Variants in ERBB4 observed in about 807,000 individuals in gnomAD.
ERBB4 encodes the protein receptor tyrosine-protein kinase erbB-4.
Under a neutral mutation model 158.0 loss-of-function variants are expected in ERBB4, and 42 were observed. That is an observed-to-expected ratio of 0.27 (90% confidence interval 0.21 to 0.34). The LOEUF is 0.34. Ranked by LOEUF, ERBB4 falls within the 10% of genes least tolerant of loss-of-function variation. ERBB4 has a pLI of 1.00. For synonymous variants in ERBB4, 583 were observed against 558.7 expected (o/e 1.04, Z -0.61); for missense variants, 1,333 against 1,624.1 (o/e 0.82, Z 3.08).
intron 1 of ERBB4, among the ~76,000 whole-genome samples, chr2:212,509,481 ATATT>A (rs1421381594): frequency 2.6e-5 from 4 of 152,172 alleles, no homozygotes; most frequent in African/African-American, 9.6e-5. Flanking sequence ...CAATCTTAAC[ATATT>A]TATTTAATTT....
intron 20 of ERBB4, among the ~76,000 whole-genome samples, chr2:211,503,278 T>G (rs1382342688): frequency 6.6e-6 from 1 of 152,116 alleles, no homozygotes; most frequent in Non-Finnish European, 1.5e-5. Flanking sequence ...AAATTCTGCA[T>G]CATGCCCTAA....
chr2:211,432,605 CAAAA>C, intron 20 of ERBB4, among the ~76,000 whole-genome samples: 1 of 135,104 alleles, frequency 7.4e-6, no homozygotes, highest in African/African-American at 2.5e-5. Context: ...CTTAAAGGAT[CAAAA>C]AAAAAAAAAA....
chr2:211,896,221 CCTTAAATTTAACAAGT>C (rs1199939120), intron 3 of ERBB4, among the ~76,000 whole-genome samples: 1 of 152,162 alleles, frequency 6.6e-6, no homozygotes, highest in Non-Finnish European at 1.5e-5. Context: ...CTAAAAGTCA[CCTTAAATTTAACAAGT>C]CCAAAATTAA....
At chr2:211,878,167 T>C (rs764514146) in intron 3 of ERBB4, among the ~76,000 whole-genome samples, 14 of 152,134 alleles carry the variant, frequency 9.2e-5, no homozygotes, top group Non-Finnish European at 1.5e-4. Context: ...TAAAACAACT[T>C]TTTCTAAACA....
intron 20 of ERBB4, among the ~76,000 whole-genome samples, chr2:211,526,764 C>G (rs771034561): frequency 2.1e-5 from 3 of 142,008 alleles, no homozygotes; most frequent in Admixed American, 6.7e-5. Context: ...TAAAGAGAAT[C>G]AAGCAGAAAT....
intron 25 of ERBB4, among the ~76,000 whole-genome samples, chr2:211,418,808 C>T (rs1314768179): frequency 6.6e-6 from 1 of 151,872 alleles, no homozygotes; most frequent in African/African-American, 2.4e-5. Context: ...ACACCTTAAC[C>T]GCTTTCTTCC....
intron 1 of ERBB4, among the ~76,000 whole-genome samples, chr2:212,422,436 T>C (rs1324015517): frequency 6.6e-6 from 1 of 151,834 alleles, no homozygotes; most frequent in Admixed American, 6.6e-5. Context: ...AGGCAGAGGT[T>C]GCAGCGAGCT....
At position 212,348,684 on chromosome 2, in the gene ERBB4, C is replaced by G. The variant is rs1192057812; in HGVS notation, c.82+189765G>C. Among the ~76,000 whole-genome samples the G allele has an allele frequency of 2.0e-5, 3 of 152,064 alleles. No individual in the cohort carries two copies. The East Asian group carries it at 5.8e-4, about 29-fold the overall frequency. On this transcript the variant is annotated intron_variant, in intron 1 of 27. Coordinates refer to ENST00000342788, the MANE Select transcript of ERBB4 (RefSeq NM_005235.3). ...AAATAGTTTCAATGCCTAGGGCCAC[C>G]GTGTACTGCAGGAACTGGTGGCATT...
At chr2:211,601,832 G>A (rs1160585285) in intron 19 of ERBB4, among the ~76,000 whole-genome samples, 3 of 150,790 alleles carry the variant, frequency 2.0e-5, no homozygotes, top group Non-Finnish European at 4.4e-5. Flanking sequence ...AGGGAGGGAG[G>A]CAAAAGAAAA....
intron 1 of ERBB4, among the ~76,000 whole-genome samples, chr2:212,454,949 T>G (rs998031926): frequency 2.6e-5 from 4 of 152,116 alleles, no homozygotes; most frequent in African/African-American, 4.8e-5. Flanking sequence ...GGGAAAACAA[T>G]GTGTGACACA....
At chr2:212,447,039 T>C (rs963789845) in intron 1 of ERBB4, among the ~76,000 whole-genome samples, 6 of 151,116 alleles carry the variant, frequency 4.0e-5, no homozygotes, top group Non-Finnish European at 7.4e-5. Context: ...CTGTGTCACC[T>C]AGGCTAGAGT....
chr2:212,219,812 A>G (rs2083233299), intron 1 of ERBB4, among the ~76,000 whole-genome samples: 1 of 151,430 alleles, frequency 6.6e-6, no homozygotes, highest in Admixed American at 6.6e-5. Flanking sequence ...TTAGGAGCAA[A>G]ATAGAAACCT....
intron 20 of ERBB4, among the ~76,000 whole-genome samples, chr2:211,466,931 C>T (rs532496167): frequency 2.0e-5 from 3 of 151,872 alleles, no homozygotes; most frequent in South Asian, 2.1e-4. Context: ...TTATGAAATA[C>T]GTGGTAAGTG....
intron 1 of ERBB4, among the ~76,000 whole-genome samples, chr2:212,382,829 T>A (rs1261312994): frequency 6.6e-6 from 1 of 151,306 alleles, no homozygotes; most frequent in African/African-American, 2.4e-5. Flanking sequence ...ATTTATCATG[T>A]TTTTTCTTTT....
At chr2:212,084,674 G>C (rs2078548536) in intron 2 of ERBB4, among the ~76,000 whole-genome samples, 1 of 151,932 alleles carries the variant, frequency 6.6e-6, no homozygotes, top group Admixed American at 6.6e-5. Flanking sequence ...ACTTACACAA[G>C]ACATATTGGT....
At chr2:211,973,763 T>C (rs1220648624) in intron 2 of ERBB4, among the ~76,000 whole-genome samples, 1 of 152,164 alleles carries the variant, frequency 6.6e-6, no homozygotes, top group Non-Finnish European at 1.5e-5. Flanking sequence ...ATCATTCTAC[T>C]ATAATAGCAC....
At chr2:212,140,820 C>T (rs1371166687) in intron 1 of ERBB4, among the ~76,000 whole-genome samples, 1 of 150,086 alleles carries the variant, frequency 6.7e-6, no homozygotes, top group South Asian at 2.1e-4. Flanking sequence ...AAACCAATTT[C>T]CCACCTGAAT....
At chr2:212,448,039 T>C (rs1041383371) in intron 1 of ERBB4, among the ~76,000 whole-genome samples, 1 of 152,084 alleles carries the variant, frequency 6.6e-6, no homozygotes. Context: ...CAGACTCAAA[T>C]CCAGTGATTT....
At chr2:211,499,952 A>T in intron 20 of ERBB4, among the ~76,000 whole-genome samples, 1 of 146,280 alleles carries the variant, frequency 6.8e-6, no homozygotes, top group Non-Finnish European at 1.5e-5. Flanking sequence ...AGATGACAAG[A>T]GAATACTAAA....
Sources: gnomAD v4.1 joint callset for allele counts (sites outside exome capture counted in the v4.1 genomes callset) on GRCh38, gnomAD v4.1.1 for gene constraint, MANE v1.5 for transcripts, NCBI Gene and HGNC (gene_info 2026-07-23, HGNC 2026-07-21) for gene names.